Variants in ANKRD44 observed in about 807,000 individuals in gnomAD.
The protein encoded by ANKRD44 is serine/threonine-protein phosphatase 6 regulatory ankyrin repeat subunit B.
In ANKRD44, 35 loss-of-function variants were observed where a neutral mutation model predicts 116.0. That is an observed-to-expected ratio of 0.30 (90% CI 0.23 to 0.40). ANKRD44 has a LOEUF of 0.40. ANKRD44 is among the 10% of genes least tolerant of loss of function. The pLI is 1.00. For synonymous variants in ANKRD44, 435 were observed against 461.8 expected, an observed-to-expected ratio of 0.94 and a Z score of 0.74; for missense variants, 1,014 against 1,242.6, an observed-to-expected ratio of 0.82 and a Z score of 2.77.
At chr2:197,194,359 C>G in intron 1 of ANKRD44, among the ~76,000 whole-genome samples, 1 of 152,204 alleles carries the variant, frequency 6.6e-6, no homozygotes, top group East Asian at 1.9e-4. Context: ...TTCATGCCAG[C>G]TTAATGGGAC....
chr2:197,184,783 C>A (rs1291459973), intron 2 of ANKRD44, among the ~76,000 whole-genome samples: 2 of 152,080 alleles, frequency 1.3e-5, no homozygotes, highest in African/African-American at 4.8e-5. Context: ...AAAAGGACCA[C>A]CCCTCTAATA....
At chr2:197,202,416 A>C (rs2697315) in intron 1 of ANKRD44, among the ~76,000 whole-genome samples, 266 of 151,616 alleles carry the variant, frequency 1.8e-3, no homozygotes, top group African/African-American at 5.3e-3. Flanking sequence ...AAAAAAAAAA[A>C]CCCAATAAGG....
chr2:197,281,744 T>C (rs1307670932), intron 1 of ANKRD44, among the ~76,000 whole-genome samples: 1 of 152,186 alleles, frequency 6.6e-6, no homozygotes, highest in Non-Finnish European at 1.5e-5. Flanking sequence ...TTCCTTGGAA[T>C]TAAAAATCTA....
At chr2:197,299,746 G>A (rs1367157095) in intron 1 of ANKRD44, among the ~76,000 whole-genome samples, 1 of 152,128 alleles carries the variant, frequency 6.6e-6, no homozygotes, top group Non-Finnish European at 1.5e-5. Context: ...GTGGTGACAG[G>A]TGCACCAAAA....
At chr2:197,303,083 G>T (rs2083960795) in intron 1 of ANKRD44, among the ~76,000 whole-genome samples, 1 of 152,222 alleles carries the variant, frequency 6.6e-6, no homozygotes, top group Admixed American at 6.5e-5. Flanking sequence ...TCCTGGAGAT[G>T]CCAGAAGACA....
chr2:197,202,471 C>T (rs537871582), intron 1 of ANKRD44, among the ~76,000 whole-genome samples: 40 of 152,038 alleles, frequency 2.6e-4, no homozygotes, highest in South Asian at 4.1e-4. Flanking sequence ...AAGAGCTAGA[C>T]GACCAAGCTT....
At chr2:197,084,419 C>T (rs919176508) in intron 13 of ANKRD44, among the ~76,000 whole-genome samples, 2 of 152,136 alleles carry the variant, frequency 1.3e-5, no homozygotes, top group African/African-American at 4.8e-5. Flanking sequence ...GTCTTGAGTT[C>T]TCATCACATA....
At chr2:197,215,338 T>C (rs2081420884) in intron 1 of ANKRD44, among the ~76,000 whole-genome samples, 1 of 152,250 alleles carries the variant, frequency 6.6e-6, no homozygotes, top group South Asian at 2.1e-4. Context: ...AAGATTTTTC[T>C]TGCTTTTGGT....
chr2:196,999,190 C>T (rs1024153609), intron 23 of ANKRD44, 138 bp from the exon 24 acceptor site: 3 of 1,009,906 alleles, frequency 3.0e-6, no homozygotes, highest in Non-Finnish European at 4.3e-6. Context: ...CAGGTCCCCT[C>T]CCTCTAAAGG....
chr2:197,197,809 CA>C (rs199994103), intron 1 of ANKRD44, among the ~76,000 whole-genome samples: 300 of 114,158 alleles, frequency 2.6e-3, no homozygotes, highest in African/African-American at 0.011. Flanking sequence ...AATCCTGTCT[CA>C]AAAAAAAAAA....
Position 197,005,695 on chromosome 2 carries a change from A to C in ANKRD44, c.2346T>G (p.Asn782Lys), listed in dbSNP as rs1271127998. 3 of 1,614,034 alleles carry C rather than the reference A, an allele frequency of 1.9e-6. No homozygotes were observed. Among genetic ancestry groups the C allele is most frequent in the Non-Finnish European group, 2.5e-6 (3 of 1,180,012 alleles). The change falls in exon 21 of 28, where the codon AAT (asparagine) becomes AAG (lysine). Residue 782 changes from asparagine to lysine, a missense_variant and splice_region_variant. By Grantham distance (94) the Asn-to-Lys change is moderately conservative. Coordinates refer to ENST00000282272, the MANE Select transcript of ANKRD44 (RefSeq NM_001195144.2). ...TCAGTCAAATGATAAGCAACTCACC[A>C]TTGTAACAAGCCCAGTGCAGCGGCG... is the stretch of plus-strand genomic sequence containing the variant. ...GYTPLHWACY[N>K]GNENCIEVLL...
intron 1 of ANKRD44, among the ~76,000 whole-genome samples, chr2:197,266,859 T>C (rs747854376): frequency 6.6e-6 from 1 of 152,082 alleles, no homozygotes; most frequent in Non-Finnish European, 1.5e-5. Flanking sequence ...CTATTCACAA[T>C]ATAGAAAAAT....
At chr2:197,195,753 C>T (rs904038566) in intron 1 of ANKRD44, among the ~76,000 whole-genome samples, 6 of 152,150 alleles carry the variant, frequency 3.9e-5, no homozygotes, top group Non-Finnish European at 7.3e-5. Context: ...GTCACTTGAT[C>T]GCTGAATTTA....
intron 8 of ANKRD44, among the ~76,000 whole-genome samples, chr2:197,115,878 A>G (rs1269195547): frequency 1.3e-5 from 2 of 152,182 alleles, no homozygotes; most frequent in Non-Finnish European, 2.9e-5. Context: ...GATTTAGGAA[A>G]TCGGAGGATA....
chr2:197,187,679 C>CTCTCT (rs1574232722), intron 1 of ANKRD44, among the ~76,000 whole-genome samples: 1 of 137,618 alleles, frequency 7.3e-6, no homozygotes, highest in Non-Finnish European at 1.6e-5. Flanking sequence ...TCTCTCTCTC[C>CTCTCT]CTCTTCTTCT....
rs1280726943 is a variant in ANKRD44 at position 196,987,530 on chromosome 2, C to A, written c.*2061G>T. 1 of 985,278 alleles carries A rather than the reference C, an allele frequency of 1.0e-6. No homozygotes were observed. Among genetic ancestry groups the A allele is most frequent in the East Asian group, 1.1e-4 (1 of 8,832 alleles). The allele number at this position is 985,278 out of a possible 1,614,324, so 61.0% of individuals were successfully genotyped here. On this transcript the variant is annotated 3_prime_UTR_variant, in exon 28 of 28. Transcript: ENST00000282272. The stretch of plus-strand genomic sequence containing the variant: ...ACAGTACAAAGAATAACTAGTGCAG[C>A]AAATCCATTTGATGTTCTTGTTCTA...
At chr2:197,289,870 TTC>T (rs979478240) in intron 1 of ANKRD44, among the ~76,000 whole-genome samples, 9 of 152,086 alleles carry the variant, frequency 5.9e-5, no homozygotes, top group Non-Finnish European at 1.3e-4. Flanking sequence ...TGGTCAATTT[TTC>T]TCTTTTTTTT....
chr2:197,072,040 GAGGAAAGAAGGAAGGAAGGAAGGA>G lies in ANKRD44; in HGVS notation c.1650+6639_1650+6662del, dbSNP rs1307229782. 2.2e-3 allele frequency among the ~76,000 whole-genome samples: 290 copies of G among 132,558 alleles called. 1 individual carries two copies. Among genetic ancestry groups the G allele is most frequent in the Middle Eastern group, 0.011 (3 of 266 alleles). The allele number at this position is 132,558 out of a possible 152,430, so 87.0% of individuals were successfully genotyped here. ...ACTGAGAGGGAGGGAGGGATGGAGGGAGGAAAGAAGGAAGGAAGGAAGGAAGGAAGGAAGGAAGGAAGGAAGGAA... is the reference window on the plus strand; with the variant it reads ...ACTGAGAGGGAGGGAGGGATGGAGGGAGGAAGGAAGGAAGGAAGGAAGGAA... On this transcript the variant is annotated intron_variant, in intron 16 of 27. Transcript: ENST00000282272.
intron 1 of ANKRD44, among the ~76,000 whole-genome samples, chr2:197,192,065 T>A (rs1454162184): frequency 6.6e-6 from 1 of 152,224 alleles, no homozygotes; most frequent in South Asian, 2.1e-4. Context: ...ATCCACTCCA[T>A]CCGGCTATGA....
Sources: gnomAD v4.1 joint callset for allele counts (sites outside exome capture counted in the v4.1 genomes callset) on GRCh38, gnomAD v4.1.1 for gene constraint, MANE v1.5 for transcripts, NCBI Gene and HGNC (gene_info 2026-07-23, HGNC 2026-07-21) for gene names.